TRIM33: variants seen among roughly 807,000 people sequenced by gnomAD.
The protein encoded by TRIM33 is tripartite motif containing 33, also known as E3 ubiquitin-protein ligase TRIM33.
Under a neutral mutation model 125.4 loss-of-function variants are expected in TRIM33, and 20 were observed. The ratio of observed to expected loss-of-function variants is 0.16; its 90% confidence interval spans 0.11 to 0.23. TRIM33 has a LOEUF of 0.23. TRIM33 is among the 10% of genes least tolerant of loss of function. TRIM33 has a pLI of 1.00. For synonymous variants in TRIM33, 564 were observed against 513.9 expected, an observed-to-expected ratio of 1.10 and a Z score of -1.32; for missense variants, 920 against 1,411.4, an observed-to-expected ratio of 0.65 and a Z score of 5.58.
Position 114,427,311 on chromosome 1 carries a change from T to A in TRIM33, c.1303-17A>T. On this transcript the variant is annotated splice_polypyrimidine_tract_variant and intron_variant, in intron 7 of 19. Transcript: ENST00000358465. Reference sequence around the variant, plus strand: ...GAAAGTAATCTTAAAGGGAAAAAAATCCACATTAGTCTCAAAATTAAATAT... The same window carrying A: ...GAAAGTAATCTTAAAGGGAAAAAAAACCACATTAGTCTCAAAATTAAATAT... 1 of 1,192,084 alleles carries A rather than the reference T, an allele frequency of 8.4e-7. No homozygotes were observed. The highest frequency in any genetic ancestry group is 1.2e-6 in the Non-Finnish European group (1 of 822,684). 73.8% of individuals were successfully genotyped at this position (1,192,084 alleles called of 1,614,324 possible).
Position 114,433,693 on chromosome 1 carries a change from C to T in TRIM33, c.964G>A (p.Ala322Thr), listed in dbSNP as rs1648109036. ...LEEAFQNQKG[A>T]IENLLAKLLE... Reference sequence around the variant, plus strand: ...AGTTTCGCCAGTAGATTCTCAATTGCACCCTTCTGATTTTGAAAAGCTTCT... The same window carrying T: ...AGTTTCGCCAGTAGATTCTCAATTGTACCCTTCTGATTTTGAAAAGCTTCT... The change falls in exon 5 of 20, where the codon GCA (alanine) becomes ACA (threonine). Residue 322 changes from alanine (A) to threonine (T), a missense_variant. Physicochemically the swap from Ala to Thr is moderately conservative, Grantham distance 58. Transcript: ENST00000358465. 1 of 1,610,632 alleles carries T rather than the reference C, an allele frequency of 6.2e-7. No individual in the cohort carries two copies. Among genetic ancestry groups the T allele is most frequent in the African/African-American group, 1.3e-5 (1 of 74,766 alleles).
At chr1:114,449,001 T>C (rs773454760) in intron 4 of TRIM33, among the ~76,000 whole-genome samples, 3 of 152,030 alleles carry the variant, frequency 2.0e-5, no homozygotes, top group Non-Finnish European at 4.4e-5. Flanking sequence ...TAGGACTTAA[T>C]AGTAGCATTC....
Position 114,475,147 on chromosome 1 carries a change from A to T in TRIM33, c.527-10759T>A, listed in dbSNP as rs1650901944. Among the ~76,000 whole-genome samples the T allele has an allele frequency of 2.6e-5, 4 of 152,166 alleles. No individual in the cohort carries two copies. The South Asian group carries it at 8.3e-4, about 31-fold the overall frequency. ...ACAAAATATGACCCCCCACAAAACA[A>T]AAGAGAGGCTCACTACCTGTGGGAC... On this transcript the variant is annotated intron_variant, in intron 1 of 19. Coordinates refer to ENST00000358465, the MANE Select transcript of TRIM33 (RefSeq NM_015906.4).
intron 1 of TRIM33, among the ~76,000 whole-genome samples, chr1:114,506,383 C>CAAA (rs370539194): frequency 0.057 from 5,109 of 89,762 alleles, 111 homozygotes; most frequent in South Asian, 0.078. Flanking sequence ...AAAACTGTCT[C>CAAA]AAAAAAAAAA....
At chr1:114,455,352 A>G (rs1315556200) in intron 4 of TRIM33, among the ~76,000 whole-genome samples, 1 of 152,208 alleles carries the variant, frequency 6.6e-6, no homozygotes, top group Non-Finnish European at 1.5e-5. Context: ...GGAGATGACT[A>G]TGAGTGACAT....
chr1:114,444,403 C>A (rs1360901413), intron 4 of TRIM33, among the ~76,000 whole-genome samples: 4 of 152,174 alleles, frequency 2.6e-5, no homozygotes, highest in African/African-American at 9.7e-5. Flanking sequence ...TAGAAGAACT[C>A]AGCTTGAATT....
intron 4 of TRIM33, among the ~76,000 whole-genome samples, chr1:114,442,687 C>CAAAAAAAAAAAAAAAAAGAAA (rs1648726768): frequency 1.4e-5 from 1 of 73,870 alleles, no homozygotes; most frequent in Non-Finnish European, 2.7e-5. Context: ...GACTCTGTCT[C>CAAAAAAAAAAAAAAAAAGAAA]AAAAAAAAAA....
chr1:114,452,911 A>C (rs763982260), intron 4 of TRIM33, among the ~76,000 whole-genome samples: 35 of 152,080 alleles, frequency 2.3e-4, no homozygotes, highest in Non-Finnish European at 4.9e-4. Context: ...TCTCCTAAAA[A>C]CAAACAACCC....
At position 114,511,097 on chromosome 1, in the gene TRIM33, C is replaced by T; in HGVS notation, c.-21G>A. The T allele has an allele frequency of 1.7e-6, 2 of 1,173,478 alleles. No homozygotes were observed. Among genetic ancestry groups the T allele is most frequent in the Non-Finnish European group, 2.1e-6 (2 of 953,754 alleles). The allele number at this position is 1,173,478 out of a possible 1,614,324, so 72.7% of individuals were successfully genotyped here. On this transcript the variant is annotated 5_prime_UTR_variant, in exon 1 of 20. Coordinates refer to ENST00000358465, the MANE Select transcript of TRIM33 (RefSeq NM_015906.4). ...GCCATGTTTTCCTCTTTGAACCCGC[C>T]GGACCGCCCCGCGCCGCCCGCCGCC...
At chr1:114,453,859 A>G (rs1018093562) in intron 4 of TRIM33, among the ~76,000 whole-genome samples, 2 of 152,224 alleles carry the variant, frequency 1.3e-5, no homozygotes, top group Non-Finnish European at 1.5e-5. Context: ...ACACTGTCAC[A>G]CATCACTATC....
Position 114,406,927 on chromosome 1 carries a change from C to A in TRIM33, c.2418+14G>T. ...ATGTCCTTAAGTCCCTGTCAGACTC[C>A]AGTGGGAGCTTACCATGCAAGCACT... On this transcript the variant is annotated intron_variant, in intron 14 of 19. Coordinates refer to ENST00000358465, the MANE Select transcript of TRIM33 (RefSeq NM_015906.4). 1.2e-6 allele frequency: 2 copies of A among 1,611,818 alleles called. No homozygotes were observed. The highest frequency in any genetic ancestry group is 1.7e-6 in the Non-Finnish European group (2 of 1,178,694).
intron 1 of TRIM33, among the ~76,000 whole-genome samples, chr1:114,502,428 T>G (rs1652771680): frequency 6.6e-6 from 1 of 152,188 alleles, no homozygotes; most frequent in Non-Finnish European, 1.5e-5. Flanking sequence ...AATGGATGTT[T>G]TAAATATATT....
In TRIM33 at chr1:114,511,192, A is replaced by G. The variant is rs1019035542; in HGVS notation, c.-116T>C. On this transcript the variant is annotated 5_prime_UTR_variant, in exon 1 of 20. Transcript: ENST00000358465. The stretch of plus-strand genomic sequence containing the variant: ...CAAGAGCGGCAGCCGAGAGCTAGCG[A>G]GAGAGCGAACCAACGAGAGCGCGCG... 4 of 978,684 alleles carry G rather than the reference A, an allele frequency of 4.1e-6. No homozygotes were observed. Among genetic ancestry groups the G allele is most frequent in the Non-Finnish European group, 4.9e-6 (4 of 811,604 alleles). 60.6% of individuals were successfully genotyped at this position (978,684 alleles called of 1,614,324 possible).
At chr1:114,420,825 A>G (rs896880708) in intron 11 of TRIM33, among the ~76,000 whole-genome samples, 1 of 152,176 alleles carries the variant, frequency 6.6e-6, no homozygotes, top group Non-Finnish European at 1.5e-5. Flanking sequence ...TATATAATAC[A>G]CTATCAATCA....
chr1:114,444,708 C>A (rs1311933713), intron 4 of TRIM33, among the ~76,000 whole-genome samples: 2 of 152,184 alleles, frequency 1.3e-5, no homozygotes, highest in Non-Finnish European at 2.9e-5. Context: ...CAAGAACAAT[C>A]AAGTCTTCAG....
chr1:114,398,583 G>T (rs1042218194), intron 18 of TRIM33, among the ~76,000 whole-genome samples: 3 of 151,956 alleles, frequency 2.0e-5, no homozygotes, highest in African/African-American at 7.3e-5. Context: ...ACCTTATGAG[G>T]ATTTTGTTTT....
At chr1:114,455,454 G>A (rs1017564353) in intron 4 of TRIM33, among the ~76,000 whole-genome samples, 11 of 152,194 alleles carry the variant, frequency 7.2e-5, no homozygotes, top group Non-Finnish European at 1.5e-4. Context: ...CCTTACTGCT[G>A]TAAAATCTAG....
Position 114,427,303 on chromosome 1 carries a change from G to A in TRIM33, c.1303-9C>T, listed in dbSNP as rs1553209906. The A allele has an allele frequency of 1.8e-5, 25 of 1,399,880 alleles. No homozygotes were observed. The Middle Eastern group carries it at 5.5e-4, about 31-fold the overall frequency. 86.7% of individuals were successfully genotyped at this position (1,399,880 alleles called of 1,614,324 possible). A position where few individuals can be genotyped will look rare whatever the true frequency, so the allele number is the denominator to read the frequency against. The stretch of plus-strand genomic sequence containing the variant: ...CGCAACTGGAAAGTAATCTTAAAGG[G>A]AAAAAAATCCACATTAGTCTCAAAA... On this transcript the variant is annotated splice_polypyrimidine_tract_variant and intron_variant, in intron 7 of 19. Transcript: ENST00000358465.
At chr1:114,488,336 C>T (rs1264767523) in intron 1 of TRIM33, among the ~76,000 whole-genome samples, 2 of 152,090 alleles carry the variant, frequency 1.3e-5, no homozygotes, top group Admixed American at 6.5e-5. Context: ...CTTAAATATA[C>T]CTACATACCT....
Sources: allele counts gnomAD v4.1 joint callset (sites outside exome capture counted in the v4.1 genomes callset), GRCh38; gene constraint gnomAD v4.1.1; transcripts MANE v1.5; gene names NCBI Gene and HGNC (gene_info 2026-07-23, HGNC 2026-07-21).